TRAPPC9: variants seen among roughly 807,000 people sequenced by gnomAD.
TRAPPC9 encodes trafficking protein particle complex subunit 9.
Under a neutral mutation model 124.0 loss-of-function variants are expected in TRAPPC9, and 83 were observed. The observed-to-expected ratio is 0.67, with a 90% CI of 0.56 to 0.80. TRAPPC9 has a LOEUF of 0.80. TRAPPC9 is among the 30% of genes least tolerant of loss of function. The pLI, the probability that TRAPPC9 is intolerant of heterozygous loss-of-function variation, is 0.00. For missense variants in TRAPPC9, 1,302 were observed against 1,508.3 expected (o/e 0.86, Z 2.27); for synonymous variants, 638 against 617.5 (o/e 1.03, Z -0.49).
rs937695266 is a variant in TRAPPC9, at chr8:140,227,422, A to C, written c.2432-5839T>G. Among the ~76,000 whole-genome samples, 6 of 152,152 alleles carry C rather than the reference A, an allele frequency of 3.9e-5. No homozygotes were observed. The East Asian group carries it at 1.2e-3, about 29-fold the overall frequency. ...GTAGGAGGACTAAAGAGTTTAGTGG[A>C]TTTATCAGGACAGAGGGTATTTAAG... is the stretch of plus-strand genomic sequence containing the variant. On this transcript the variant is annotated intron_variant, in intron 16 of 22. Transcript: ENST00000438773.
intron 19 of TRAPPC9, among the ~76,000 whole-genome samples, chr8:139,918,117 T>G (rs1004719825): frequency 2.0e-5 from 3 of 152,214 alleles, no homozygotes; most frequent in Admixed American, 2.0e-4. Flanking sequence ...AAGTCTGTGA[T>G]TCGCAGGCAT....
At chr8:139,903,768 T>A (rs1460755708) in intron 20 of TRAPPC9, among the ~76,000 whole-genome samples, 1 of 152,160 alleles carries the variant, frequency 6.6e-6, no homozygotes, top group Non-Finnish European at 1.5e-5. Flanking sequence ...AGGCTGGGCA[T>A]GGTGGCTCAC....
rs371862137 is a variant in TRAPPC9, at chr8:139,880,896, C to T, written c.3055+4983G>A. 1.6e-4 allele frequency among the ~76,000 whole-genome samples: 25 copies of T among 152,346 alleles called. No homozygotes were observed. In the East Asian group the frequency reaches 3.7e-3, roughly 22 times the overall value. ...GGCAGGTGCCGCCAGCGACTAAAAG[C>T]GCACCGCTGAGCTGCTCACTGCCGG... On this transcript the variant is annotated intron_variant, in intron 21 of 22. Transcript: ENST00000438773.
intron 15 of TRAPPC9, among the ~76,000 whole-genome samples, chr8:140,260,952 A>T (rs971859186): frequency 6.6e-6 from 1 of 152,254 alleles, no homozygotes; most frequent in Admixed American, 6.5e-5. Flanking sequence ...AAAAGAAAAT[A>T]TAATGGCCAA....
intron 19 of TRAPPC9, among the ~76,000 whole-genome samples, chr8:139,922,807 C>T (rs1202332237): frequency 6.6e-6 from 1 of 152,232 alleles, no homozygotes; most frequent in Non-Finnish European, 1.5e-5. Flanking sequence ...ATCCCGTGGA[C>T]ACTAGACAGA....
intron 17 of TRAPPC9, among the ~76,000 whole-genome samples, chr8:140,209,750 T>C (rs1343371926): frequency 2.0e-5 from 3 of 152,200 alleles, no homozygotes; most frequent in African/African-American, 7.2e-5. Context: ...ATTTCACAGA[T>C]TGGAAACTGA....
chr8:140,143,020 C>A (rs1043430507), intron 17 of TRAPPC9, among the ~76,000 whole-genome samples: 2 of 152,156 alleles, frequency 1.3e-5, no homozygotes, highest in Admixed American at 1.3e-4. Flanking sequence ...GCACAGCACC[C>A]AGGATAAAAG....
At chr8:140,275,515 TA>T in intron 15 of TRAPPC9, 142 bp downstream of exon 15, 1 of 892,948 alleles carries the variant, frequency 1.1e-6, no homozygotes, top group Non-Finnish European at 1.8e-6. Context: ...TCTCAGCCTG[TA>T]AGCCCTCGCC....
chr8:140,033,658 G>GTTTTTTTTTTTTTTTTTTTTTTTTT, intron 17 of TRAPPC9, among the ~76,000 whole-genome samples: 1 of 42,366 alleles, frequency 2.4e-5, no homozygotes, highest in Non-Finnish European at 5.5e-5. Flanking sequence ...TCATAATGTG[G>GTTTTTTTTTTTTTTTTTTTTTTTTT]TTTTTTTTTT....
At chr8:140,348,016 T>C (rs1375077468) in intron 9 of TRAPPC9, among the ~76,000 whole-genome samples, 7 of 152,204 alleles carry the variant, frequency 4.6e-5, no homozygotes, top group African/African-American at 1.4e-4. Flanking sequence ...TGAGAAGAAT[T>C]TGCCATCGGC....
intron 20 of TRAPPC9, among the ~76,000 whole-genome samples, chr8:139,903,672 G>A (rs1023221817): frequency 1.3e-5 from 2 of 152,294 alleles, no homozygotes; most frequent in East Asian, 1.9e-4. Context: ...CACTCATCAC[G>A]GCACTCGGCA....
chr8:140,426,804 C>T (rs150799463), intron 4 of TRAPPC9, among the ~76,000 whole-genome samples, 163 bp from the exon 5 acceptor site: 1 of 152,288 alleles, frequency 6.6e-6, no homozygotes, highest in African/African-American at 2.4e-5. Flanking sequence ...AGTTTGGTGC[C>T]TTTTTGCTTC....
intron 21 of TRAPPC9, among the ~76,000 whole-genome samples, chr8:139,828,775 C>T (rs1825793440): frequency 6.6e-6 from 1 of 152,208 alleles, no homozygotes; most frequent in South Asian, 2.1e-4. Flanking sequence ...CACCCTAGGA[C>T]TATGCCAGCA....
intron 6 of TRAPPC9, among the ~76,000 whole-genome samples, chr8:140,399,553 G>A (rs1378921888): frequency 6.6e-6 from 1 of 152,214 alleles, no homozygotes; most frequent in Non-Finnish European, 1.5e-5. Context: ...CTGGGTTTCG[G>A]ACTTACATGG....
chr8:140,060,719 G>C (rs558326403), intron 17 of TRAPPC9, among the ~76,000 whole-genome samples: 1 of 152,294 alleles, frequency 6.6e-6, no homozygotes, highest in Non-Finnish European at 1.5e-5. Context: ...TTTCTGGGGG[G>C]AGGAAGGATT....
chr8:139,849,205 T>A (rs548023621), intron 21 of TRAPPC9, among the ~76,000 whole-genome samples: 6 of 152,194 alleles, frequency 3.9e-5, no homozygotes, highest in Non-Finnish European at 8.8e-5. Flanking sequence ...AAAAGCCCAC[T>A]TAGAGGGCCA....
chr8:140,361,828 T>C (rs1445858389), intron 8 of TRAPPC9, among the ~76,000 whole-genome samples: 1 of 152,192 alleles, frequency 6.6e-6, no homozygotes, highest in Non-Finnish European at 1.5e-5. Context: ...GGGCCTGACG[T>C]GAGACTGGGC....
intron 2 of TRAPPC9, among the ~76,000 whole-genome samples, chr8:140,443,203 A>G (rs1394296539): frequency 6.3e-5 from 9 of 143,682 alleles, no homozygotes; most frequent in African/African-American, 2.3e-4. Context: ...TGGGAGGCCA[A>G]GGCGGGCAGA....
intron 17 of TRAPPC9, among the ~76,000 whole-genome samples, chr8:140,204,185 G>A (rs542744969): frequency 2.0e-5 from 3 of 152,224 alleles, no homozygotes; most frequent in South Asian, 2.1e-4. Context: ...AAAAGAGCCT[G>A]CCATCCTATT....
Sources: allele counts gnomAD v4.1 joint callset (sites outside exome capture counted in the v4.1 genomes callset), GRCh38; gene constraint gnomAD v4.1.1; transcripts MANE v1.5; gene names NCBI Gene and HGNC (gene_info 2026-07-23, HGNC 2026-07-21).